The following ODAM variants were observed in gnomAD, a reference collection of about 807,000 sequenced individuals.
ODAM encodes odontogenic, ameloblast associated, also known as odontogenic ameloblast-associated protein.
A neutral mutation model predicts 48.5 loss-of-function variants in ODAM; 55 were observed. The observed-to-expected ratio is 1.13, with a 90% CI of 0.91 to 1.42. ODAM has a LOEUF of 1.42. ODAM is among the 40% of genes most tolerant of loss of function. The pLI is 0.00. For synonymous variants in ODAM, 127 were observed against 107.8 expected, an observed-to-expected ratio of 1.18 and a Z score of -1.10; for missense variants, 353 against 323.6, an observed-to-expected ratio of 1.09 and a Z score of -0.70.
chr4:70,202,629 A>C, intron 9 of ODAM, 127 bp from the exon 10 acceptor site: 1 of 676,582 alleles, frequency 1.5e-6, no homozygotes, highest in Non-Finnish European at 2.5e-6. Flanking sequence ...AAAAATACTA[A>C]TAATAGCAAC....
At chr4:70,200,717 T>C in intron 7 of ODAM, 116 bp downstream of exon 7, 1 of 602,800 alleles carries the variant, frequency 1.7e-6, no homozygotes, top group Non-Finnish European at 2.9e-6. Flanking sequence ...CTCAACAGCA[T>C]GAAACAGGTA....
intron 11 of ODAM, among the ~76,000 whole-genome samples, 164 bp downstream of exon 11, chr4:70,203,378 C>A (rs1050501270): frequency 2.0e-5 from 3 of 151,818 alleles, no homozygotes; most frequent in Non-Finnish European, 4.4e-5. Context: ...TGGACTTCAA[C>A]AATTTTTAAA....
At chr4:70,197,401 T>C in intron 4 of ODAM, 80 bp downstream of exon 4, 1 of 843,922 alleles carries the variant, frequency 1.2e-6, no homozygotes, top group Non-Finnish European at 2.0e-6. Flanking sequence ...AAACAAAATG[T>C]TTCCTGATCC....
Position 70,203,139 on chromosome 4 carries a change from T to C in ODAM, c.811-17T>C, listed in dbSNP as rs1334796850. On this transcript the variant is annotated splice_polypyrimidine_tract_variant and intron_variant, in intron 10 of 11. Transcript: ENST00000683306. ...CAATTTAATAACAGTTTCTTATGAA[T>C]GTCCTTTTCTCACTAGGACAAGACT... 2 of 1,574,674 alleles carry C rather than the reference T, an allele frequency of 1.3e-6. No homozygotes were observed. Among genetic ancestry groups the C allele is most frequent in the African/African-American group, 2.7e-5 (2 of 73,944 alleles).
rs1198905450 is a variant in ODAM, at chr4:70,196,550, A to T, written c.7A>T (p.Ile3Phe). 1.3e-6 allele frequency: 2 copies of T among 1,582,508 alleles called. No individual in the cohort carries two copies. The highest frequency in any genetic ancestry group is 4.5e-5 in the East Asian group (2 of 44,162). Residue 3 changes from isoleucine (I) to phenylalanine (F), a missense_variant, in exon 2 of 12, where the codon ATT becomes TTT. Transcript: ENST00000683306. ...CTAGATATATCATACGAAAATGAAA[A>T]TTATAATTCTTCTTGGATTCCTGGG... Reference protein sequence around the residue: MKIIILLGFLGAT... With the variant: MKFIILLGFLGAT...
At chr4:70,203,373 T>C (rs1729550708) in intron 11 of ODAM, among the ~76,000 whole-genome samples, 159 bp downstream of exon 11, 1 of 151,926 alleles carries the variant, frequency 6.6e-6, no homozygotes, top group Non-Finnish European at 1.5e-5. Context: ...AATTATGGAC[T>C]TCAACAATTT....
At chr4:70,198,739 A>G in intron 6 of ODAM, 113 bp downstream of exon 6, 1 of 825,092 alleles carries the variant, frequency 1.2e-6, no homozygotes, top group South Asian at 1.5e-5. Context: ...ATATAATGAT[A>G]TCACTGTCTA....
intron 11 of ODAM, 107 bp downstream of exon 11, chr4:70,203,321 T>C: frequency 1.6e-6 from 1 of 631,920 alleles, no homozygotes; most frequent in East Asian, 2.7e-5. Flanking sequence ...CCAAAGTAGT[T>C]ATAAAAACAA....
At chr4:70,198,394 GGATAA>G (rs1242220672) in intron 5 of ODAM, among the ~76,000 whole-genome samples, 180 bp from the exon 6 acceptor site, 3 of 151,930 alleles carry the variant, frequency 2.0e-5, no homozygotes, top group African/African-American at 7.2e-5. Context: ...AACAAGTCTA[GGATAA>G]GATAGGAAAA....
intron 3 of ODAM, 93 bp from the exon 4 acceptor site, chr4:70,197,181 C>A: frequency 1.5e-6 from 1 of 676,164 alleles, no homozygotes; most frequent in Non-Finnish European, 2.7e-6. Context: ...ATTGAGCAAC[C>A]AGCTATGACT....
chr4:70,200,296 A>G (rs1453332211), intron 6 of ODAM: 2 of 484,832 alleles, frequency 4.1e-6, no homozygotes, highest in Non-Finnish European at 7.3e-6. Flanking sequence ...AAGCAACCTT[A>G]AAAACCAAGT....
intron 5 of ODAM, among the ~76,000 whole-genome samples, 171 bp from the exon 6 acceptor site, chr4:70,198,408 A>G (rs889589043): frequency 6.6e-6 from 1 of 152,076 alleles, no homozygotes; most frequent in Non-Finnish European, 1.5e-5. Context: ...AAGATAGGAA[A>G]ACTTCAATAA....
chr4:70,202,617 C>T, intron 9 of ODAM, 139 bp from the exon 10 acceptor site: 1 of 647,746 alleles, frequency 1.5e-6, no homozygotes, highest in Non-Finnish European at 2.6e-6. Flanking sequence ...AGCTTATAAT[C>T]TAAAAATACT....
In ODAM at chr4:70,198,100, C is replaced by A. The variant is rs1729418290; in HGVS notation, c.318C>A (p.Gly106=). The A allele has an allele frequency of 6.2e-7, 1 of 1,613,150 alleles. No individual in the cohort carries two copies. Among genetic ancestry groups the A allele is most frequent in the Non-Finnish European group, 8.5e-7 (1 of 1,179,554 alleles). The part of the protein sequence containing the change: ...EASFAQGAQA[G]QVDPLQLQTP... ...GTTTTGCCCAAGGAGCCCAGGCAGG[C>A]CAAGTTGATCCCTTACAGCTTCAAA... Residue 106 remains glycine (G), a synonymous_variant, in exon 5 of 12, where the codon GGC becomes GGA. Transcript: ENST00000683306.
intron 3 of ODAM, among the ~76,000 whole-genome samples, chr4:70,197,052 T>C (rs1729381541): frequency 1.3e-5 from 2 of 152,086 alleles, no homozygotes; most frequent in Non-Finnish European, 1.5e-5. Flanking sequence ...GCTAACGTTG[T>C]GCAATCTCAT....
chr4:70,202,302 A>C lies in ODAM; in HGVS notation c.621A>C (p.Leu207=). ...GQQQLAFDPQ[L]GTAPEIAVMS... is the part of the protein sequence containing the mutation. ...AGCAACTAGCTTTTGATCCCCAACT[A>C]GGCACAGCTCCTGAAATTGCTGTGA... Residue 207 remains leucine (L), a synonymous_variant, in exon 9 of 12, where the codon CTA becomes CTC. Transcript: ENST00000683306. 2 of 1,611,934 alleles carry C rather than the reference A, an allele frequency of 1.2e-6. No homozygotes were observed. Among genetic ancestry groups the C allele is most frequent in the Non-Finnish European group, 1.7e-6 (2 of 1,178,590 alleles).
At chr4:70,198,883 G>C (rs1190528707) in intron 6 of ODAM, among the ~76,000 whole-genome samples, 2 of 152,012 alleles carry the variant, frequency 1.3e-5, no homozygotes, top group Admixed American at 1.3e-4. Flanking sequence ...GAGTAAAAGA[G>C]CTCAGTAAGC....
chr4:70,195,805 A>C lies in ODAM; in HGVS notation c.-16+12A>C. The C allele has an allele frequency of 1.0e-6, 1 of 978,242 alleles. No individual in the cohort carries two copies. Among genetic ancestry groups the C allele is most frequent in the Non-Finnish European group, 1.2e-6 (1 of 823,454 alleles). The allele number at this position is 978,242 out of a possible 1,614,324, so 60.6% of individuals were successfully genotyped here. ...GGTCCAGGAGTAAGGTAAGATATCA[A>C]ATCTTTGCTTTTATAGTTTGAAGAA... is the stretch of plus-strand genomic sequence containing the variant. On this transcript the variant is annotated intron_variant, in intron 1 of 11. Coordinates refer to ENST00000683306, the MANE Select transcript of ODAM (RefSeq NM_017855.4).
chr4:70,197,737 C>G lies in ODAM; in HGVS notation c.142-187C>G, dbSNP rs984907649. 5.0e-6 allele frequency: 3 copies of G among 604,072 alleles called. No individual in the cohort carries two copies. In the East Asian group the frequency reaches 8.4e-5, roughly 17 times the overall value. The allele number at this position is 604,072 out of a possible 1,614,324, so 37.4% of individuals were successfully genotyped here. On this transcript the variant is annotated intron_variant, in intron 4 of 11. Coordinates refer to ENST00000683306, the MANE Select transcript of ODAM (RefSeq NM_017855.4). ...CCTGCCCCATATTTCTCATGGCCATCGGGAATTTAGCATTTGCTTCGTATT... is the reference window on the plus strand; with the variant it reads ...CCTGCCCCATATTTCTCATGGCCATGGGGAATTTAGCATTTGCTTCGTATT...
Sources: gnomAD v4.1 joint callset for allele counts (sites outside exome capture counted in the v4.1 genomes callset) on GRCh38, gnomAD v4.1.1 for gene constraint, MANE v1.5 for transcripts, NCBI Gene and HGNC (gene_info 2026-07-23, HGNC 2026-07-21) for gene names.